GUCY1A2: variants seen among roughly 807,000 people sequenced by gnomAD.
GUCY1A2 encodes the protein guanylate cyclase soluble subunit alpha-2.
GUCY1A2 carries 27 observed loss-of-function variants against 63.5 expected under a neutral mutation model. That is an observed-to-expected ratio of 0.43 (90% CI 0.31 to 0.59). GUCY1A2 has a LOEUF of 0.59. Ranked by LOEUF, GUCY1A2 falls within the 20% of genes least tolerant of loss-of-function variation. The pLI is 0.11. For missense variants in GUCY1A2, 768 were observed against 913.3 expected (o/e 0.84, Z 2.05); for synonymous variants, 364 against 343.5 (o/e 1.06, Z -0.66).
intron 1 of GUCY1A2, among the ~76,000 whole-genome samples, chr11:107,011,601 T>C (rs1440385622): frequency 7.6e-6 from 1 of 131,298 alleles, no homozygotes; most frequent in Non-Finnish European, 1.5e-5. Flanking sequence ...AATATATATC[T>C]TTAATATATA....
At chr11:106,875,055 A>G (rs1219419667) in intron 4 of GUCY1A2, among the ~76,000 whole-genome samples, 2 of 152,226 alleles carry the variant, frequency 1.3e-5, no homozygotes, top group African/African-American at 2.4e-5. Flanking sequence ...CTCTAATTCC[A>G]TAAATAGGAA....
At chr11:107,010,893 C>A (rs1033365454) in intron 1 of GUCY1A2, among the ~76,000 whole-genome samples, 1 of 152,044 alleles carries the variant, frequency 6.6e-6, no homozygotes, top group African/African-American at 2.4e-5. Flanking sequence ...CCACGCCTGG[C>A]TAATTTTTGT....
At chr11:106,761,582 G>A (rs927271058) in intron 6 of GUCY1A2, among the ~76,000 whole-genome samples, 1 of 152,158 alleles carries the variant, frequency 6.6e-6, no homozygotes, top group East Asian at 1.9e-4. Flanking sequence ...GTTTGCCTGA[G>A]ATAATTTTTA....
chr11:106,982,492 A>G (rs190299498), intron 2 of GUCY1A2, among the ~76,000 whole-genome samples: 1 of 152,320 alleles, frequency 6.6e-6, no homozygotes, highest in African/African-American at 2.4e-5. Context: ...TGCTATGGGA[A>G]CAAGAAGCTC....
chr11:106,952,579 C>T (rs1157950879), intron 3 of GUCY1A2, among the ~76,000 whole-genome samples: 1 of 152,002 alleles, frequency 6.6e-6, no homozygotes, highest in East Asian at 1.9e-4. Context: ...GATTTTTGCA[C>T]ACTAATTTTG....
Position 106,683,700 on chromosome 11 carries a change from C to T in GUCY1A2, c.*3849G>A. The T allele has an allele frequency of 4.4e-6, 1 of 225,150 alleles. No homozygotes were observed. The highest frequency in any genetic ancestry group is 8.9e-6 in the Non-Finnish European group (1 of 112,854). 13.9% of individuals were successfully genotyped at this position (225,150 alleles called of 1,614,324 possible). ...AGAAAGGGTCCAGAATGGACTGAGT[C>T]ATTCTCAAAATGACAAGACAGAAAC... On this transcript the variant is annotated 3_prime_UTR_variant, in exon 8 of 8. Coordinates refer to ENST00000526355, the MANE Select transcript of GUCY1A2 (RefSeq NM_000855.3).
At chr11:106,973,995 A>G (rs1250513722) in intron 3 of GUCY1A2, among the ~76,000 whole-genome samples, 1 of 152,102 alleles carries the variant, frequency 6.6e-6, no homozygotes, top group Non-Finnish European at 1.5e-5. Context: ...AGGTAAGGAA[A>G]GATGAAGTAA....
intron 3 of GUCY1A2, among the ~76,000 whole-genome samples, chr11:106,946,908 A>G (rs886152997): frequency 1.3e-5 from 2 of 152,152 alleles, no homozygotes; most frequent in African/African-American, 2.4e-5. Flanking sequence ...TCAAAATTAT[A>G]TATTTTCAAA....
At chr11:106,829,151 G>A (rs1174178442) in intron 4 of GUCY1A2, among the ~76,000 whole-genome samples, 2 of 152,192 alleles carry the variant, frequency 1.3e-5, no homozygotes, top group Non-Finnish European at 2.9e-5. Flanking sequence ...GATTTGTACA[G>A]CATGTTGGAA....
In GUCY1A2 at chr11:106,687,303, T is replaced by C. The variant is rs1862542802; in HGVS notation, c.*246A>G. 10 of 437,378 alleles carry C rather than the reference T, an allele frequency of 2.3e-5. No homozygotes were observed. The East Asian group carries it at 3.5e-4, about 15-fold the overall frequency. The allele number at this position is 437,378 out of a possible 1,614,324, so 27.1% of individuals were successfully genotyped here. ...GGGACCCACACTTGTAATTAAAATA[T>C]ATGTGTATATATATGACCAAAACCA... is the stretch of plus-strand genomic sequence containing the variant. On this transcript the variant is annotated 3_prime_UTR_variant, in exon 8 of 8. Transcript: ENST00000526355.
intron 6 of GUCY1A2, among the ~76,000 whole-genome samples, chr11:106,709,687 A>C (rs942612794): frequency 5.7e-5 from 7 of 122,186 alleles, no homozygotes; most frequent in Non-Finnish European, 9.8e-5. Flanking sequence ...GTTATATATT[A>C]TATACACGTA....
chr11:106,962,086 CCCT>C (rs1230540680), intron 3 of GUCY1A2, among the ~76,000 whole-genome samples: 2 of 152,194 alleles, frequency 1.3e-5, no homozygotes, highest in African/African-American at 2.4e-5. Context: ...TCCCACAAAT[CCCT>C]CCTATTTTCC....
At chr11:106,994,034 A>AT (rs1027306096) in intron 1 of GUCY1A2, among the ~76,000 whole-genome samples, 1 of 152,100 alleles carries the variant, frequency 6.6e-6, no homozygotes, top group Non-Finnish European at 1.5e-5. Flanking sequence ...CATCTGGGCC[A>AT]TTTTTTCCAG....
chr11:106,917,002 A>G (rs1860378074), intron 4 of GUCY1A2, among the ~76,000 whole-genome samples: 1 of 145,862 alleles, frequency 6.9e-6, no homozygotes, highest in African/African-American at 2.4e-5. Context: ...TGGGAATACA[A>G]GATGAAAAAC....
chr11:106,700,947 A>G (rs1019854259), intron 7 of GUCY1A2, among the ~76,000 whole-genome samples: 1 of 152,168 alleles, frequency 6.6e-6, no homozygotes, highest in African/African-American at 2.4e-5. Context: ...ATATTGACAA[A>G]GGAACAGAAG....
chr11:106,805,774 C>T (rs1858675505), intron 5 of GUCY1A2, among the ~76,000 whole-genome samples: 1 of 152,146 alleles, frequency 6.6e-6, no homozygotes, highest in Non-Finnish European at 1.5e-5. Flanking sequence ...TCCTACTTTA[C>T]AGAATCAATA....
chr11:106,735,611 T>G (rs779098110), intron 6 of GUCY1A2, among the ~76,000 whole-genome samples: 5 of 152,224 alleles, frequency 3.3e-5, no homozygotes, highest in Non-Finnish European at 7.3e-5. Flanking sequence ...CAGTTATCTC[T>G]TCAATATACT....
chr11:106,992,325 CT>C (rs11297661), intron 1 of GUCY1A2, among the ~76,000 whole-genome samples: 15,403 of 113,726 alleles, frequency 0.14, 576 homozygotes, highest in South Asian at 0.18. Context: ...AAGAATATGT[CT>C]TTTTTTTTTT....
At chr11:106,835,106 T>G (rs1859099764) in intron 4 of GUCY1A2, among the ~76,000 whole-genome samples, 1 of 151,758 alleles carries the variant, frequency 6.6e-6, no homozygotes, top group Admixed American at 6.6e-5. Context: ...TAGATTTAGC[T>G]CACCAAGGGC....
Sources: allele counts gnomAD v4.1 joint callset (sites outside exome capture counted in the v4.1 genomes callset), GRCh38; gene constraint gnomAD v4.1.1; transcripts MANE v1.5; gene names NCBI Gene and HGNC (gene_info 2026-07-23, HGNC 2026-07-21).